Variants in LYPD6 observed in about 807,000 individuals in gnomAD.
LYPD6 encodes ly6/PLAUR domain-containing protein 6.
LYPD6 carries 15 observed loss-of-function variants against 22.7 expected under a neutral mutation model. That is an observed-to-expected ratio of 0.66 (90% confidence interval 0.44 to 1.02). The LOEUF is 1.02. Among genes scored for constraint, LYPD6 ranks in the 50% least tolerant of loss-of-function variants. The pLI is 0.00. For missense variants in LYPD6, 189 were observed against 208.4 expected, an observed-to-expected ratio of 0.91 and a Z score of 0.57; for synonymous variants, 72 against 77.5, an observed-to-expected ratio of 0.93 and a Z score of 0.37.
chr2:149,416,310 G>A (rs927058231), intron 1 of LYPD6, among the ~76,000 whole-genome samples: 1 of 152,128 alleles, frequency 6.6e-6, no homozygotes, highest in African/African-American at 2.4e-5. Context: ...CCTCTTTCCT[G>A]GGGGAATGAA....
chr2:149,406,699 G>A (rs1306280524), intron 1 of LYPD6, among the ~76,000 whole-genome samples: 3 of 152,120 alleles, frequency 2.0e-5, no homozygotes, highest in Non-Finnish European at 2.9e-5. Flanking sequence ...TTGCCAGTCT[G>A]TGTCTTTTAA....
At chr2:149,403,506 T>G (rs1180475033) in intron 1 of LYPD6, among the ~76,000 whole-genome samples, 9 of 145,964 alleles carry the variant, frequency 6.2e-5, no homozygotes, top group African/African-American at 2.4e-4. Flanking sequence ...TTTTCATGTG[T>G]TTTTTGGCTG....
At chr2:149,375,296 A>C (rs1245498339) in intron 1 of LYPD6, among the ~76,000 whole-genome samples, 1 of 152,198 alleles carries the variant, frequency 6.6e-6, no homozygotes, top group Non-Finnish European at 1.5e-5. Context: ...GTATCAAACT[A>C]ATTGTAATGG....
At chr2:149,476,478 C>T (rs1459791798), downstream of LYPD6, among the ~76,000 whole-genome samples, 2 of 152,188 alleles carry the variant, frequency 1.3e-5, no homozygotes, top group East Asian at 1.9e-4. Context: ...CTCCCAAAAC[C>T]GTGTGTTGTC....
chr2:149,470,121 TC>T (rs1681297337), intron 4 of LYPD6, among the ~76,000 whole-genome samples: 1 of 152,194 alleles, frequency 6.6e-6, no homozygotes, highest in African/African-American at 2.4e-5. Flanking sequence ...TTTATTTCTT[TC>T]TAATGATCCA....
rs1438959342 is a variant in LYPD6, at chr2:149,472,550, ATAATC to A, written c.*1704_*1708del. 6.6e-6 allele frequency: 1 copy of A among 152,660 alleles called. No homozygotes were observed. Among genetic ancestry groups the A allele is most frequent in the Non-Finnish European group, 1.5e-5 (1 of 68,040 alleles). The allele number at this position is 152,660 out of a possible 1,614,324, so 9.5% of individuals were successfully genotyped here. ...CTGACAGCAGTAACTCTGATACAGAATAATCTAAATTGCATCAAATGGCCTTAATT... is the reference window on the plus strand; with the variant it reads ...CTGACAGCAGTAACTCTGATACAGAATAAATTGCATCAAATGGCCTTAATT... On this transcript the variant is annotated 3_prime_UTR_variant, in exon 5 of 5. Transcript: ENST00000334166.
intron 1 of LYPD6, among the ~76,000 whole-genome samples, chr2:149,334,051 A>T (rs1009635663): frequency 6.6e-5 from 10 of 152,226 alleles, no homozygotes; most frequent in Admixed American, 1.3e-4. Flanking sequence ...GTGATAAGAA[A>T]AACAAGTCTT....
intron 1 of LYPD6, among the ~76,000 whole-genome samples, chr2:149,350,357 C>T (rs905694433): frequency 6.6e-6 from 1 of 152,290 alleles, no homozygotes; most frequent in Admixed American, 6.5e-5. Flanking sequence ...TTAAAGAATG[C>T]CTTTAAAATA....
At chr2:149,384,728 T>A (rs1172283838) in intron 1 of LYPD6, among the ~76,000 whole-genome samples, 4 of 152,188 alleles carry the variant, frequency 2.6e-5, no homozygotes, top group Non-Finnish European at 5.9e-5. Context: ...TTTTTATTTT[T>A]TTATTTTATT....
At chr2:149,411,200 C>T (rs560942433) in intron 1 of LYPD6, among the ~76,000 whole-genome samples, 3 of 152,208 alleles carry the variant, frequency 2.0e-5, no homozygotes, top group African/African-American at 7.2e-5. Context: ...AGCCTTCTGA[C>T]GCAGCGTCAA....
intron 1 of LYPD6, among the ~76,000 whole-genome samples, chr2:149,394,061 A>G (rs1682374097): frequency 6.6e-6 from 1 of 152,238 alleles, no homozygotes; most frequent in African/African-American, 2.4e-5. Context: ...TCATTAGCTT[A>G]CACTGTCACG....
chr2:149,475,325 CT>C (rs1271806929), downstream of LYPD6, among the ~76,000 whole-genome samples: 2 of 152,114 alleles, frequency 1.3e-5, no homozygotes, highest in African/African-American at 4.8e-5. Context: ...AGATATTTTT[CT>C]AAGATTGCAC....
intron 1 of LYPD6, among the ~76,000 whole-genome samples, chr2:149,389,119 T>G (rs144652872): frequency 1.0e-3 from 152 of 152,234 alleles, no homozygotes; most frequent in African/African-American, 3.5e-3. Flanking sequence ...AACCCCTAAG[T>G]TTTGGCTTTT....
chr2:149,485,709 AT>A, the LYPD6 span, among the ~76,000 whole-genome samples: 5 of 152,110 alleles, frequency 3.3e-5, no homozygotes, highest in Non-Finnish European at 7.4e-5. Context: ...GAGTTTCCAT[AT>A]TTATAGGTTT....
intron 1 of LYPD6, among the ~76,000 whole-genome samples, chr2:149,427,426 A>G (rs1683209576): frequency 6.6e-6 from 1 of 152,224 alleles, no homozygotes; most frequent in Non-Finnish European, 1.5e-5. Context: ...ACAAGCTGTA[A>G]CTGAAATGTA....
At chr2:149,478,400 G>GTGTGTGCA (rs67247003), downstream of LYPD6, among the ~76,000 whole-genome samples, 1 of 8,586 alleles carries the variant, frequency 1.2e-4, no homozygotes, top group African/African-American at 1.8e-4. Context: ...GTGTGTGTGT[G>GTGTGTGCA]CGCGCACGCA....
At chr2:149,380,442 C>T (rs1331708988) in intron 1 of LYPD6, among the ~76,000 whole-genome samples, 3 of 152,228 alleles carry the variant, frequency 2.0e-5, no homozygotes, top group Non-Finnish European at 2.9e-5. Context: ...GGTAAAGGGG[C>T]GATCCATTTG....
At chr2:149,457,363 T>C (rs1680985352) in intron 3 of LYPD6, among the ~76,000 whole-genome samples, 1 of 152,180 alleles carries the variant, frequency 6.6e-6, no homozygotes, top group South Asian at 2.1e-4. Flanking sequence ...TTCCTACCCA[T>C]CCATCTCTGC....
rs186673865 is a variant in LYPD6 at position 149,473,200 on chromosome 2, C to G, written c.*2350C>G. 4.6e-5 allele frequency: 7 copies of G among 152,798 alleles called. No individual in the cohort carries two copies. The East Asian group carries it at 1.4e-3, about 29-fold the overall frequency. The allele number at this position is 152,798 out of a possible 1,614,324, so 9.5% of individuals were successfully genotyped here. A position where few individuals can be genotyped will look rare whatever the true frequency, so the allele number is the denominator to read the frequency against. On this transcript the variant is annotated 3_prime_UTR_variant, in exon 5 of 5. Transcript: ENST00000334166. ...AGAAAGTGACCACACCAAAGCCTCC[C>G]TGGCTGGTGTAGAGGGATCAGGTCC...
Sources: gnomAD v4.1 joint callset for allele counts (sites outside exome capture counted in the v4.1 genomes callset) on GRCh38, gnomAD v4.1.1 for gene constraint, MANE v1.5 for transcripts, NCBI Gene and HGNC (gene_info 2026-07-23, HGNC 2026-07-21) for gene names.